Variants in SHISA9 observed in about 807,000 individuals in gnomAD.
SHISA9 encodes protein shisa-9.
Under a neutral mutation model 38.0 loss-of-function variants are expected in SHISA9, and 13 were observed. The observed-to-expected ratio is 0.34, with a 90% CI of 0.22 to 0.54. The LOEUF (loss-of-function observed/expected upper bound fraction) is 0.54, where lower values mean the gene tolerates loss of function less well. SHISA9 is among the 20% of genes least tolerant of loss of function. SHISA9 has a pLI of 0.91. For missense variants in SHISA9, 538 were observed against 575.8 expected, an observed-to-expected ratio of 0.93 and a Z score of 0.67; for synonymous variants, 275 against 242.0, an observed-to-expected ratio of 1.14 and a Z score of -1.27.
the SHISA9 span, among the ~76,000 whole-genome samples, chr16:13,397,269 G>C: frequency 6.6e-6 from 1 of 152,210 alleles, no homozygotes; most frequent in Non-Finnish European, 1.5e-5. Flanking sequence ...TGTAATGGGG[G>C]TGTGGCTCGC....
chr16:13,041,273 G>C (rs180971723), intron 2 of SHISA9, among the ~76,000 whole-genome samples: 1 of 152,308 alleles, frequency 6.6e-6, no homozygotes, highest in Admixed American at 6.5e-5. Context: ...CTGCTTACTT[G>C]AACAACCTGA....
chr16:13,367,146 C>T, the SHISA9 span, among the ~76,000 whole-genome samples: 1 of 151,654 alleles, frequency 6.6e-6, no homozygotes, highest in African/African-American at 2.4e-5. Flanking sequence ...AGTAATTAAA[C>T]CAACTACAGT....
intron 2 of SHISA9, chr16:13,082,471 A>T (rs544752298): frequency 1.5e-4 from 23 of 151,354 alleles, no homozygotes; most frequent in Non-Finnish European, 2.5e-4. Flanking sequence ...CACAATTTCC[A>T]CCTTCAGCAC....
At chr16:13,301,878 ATGT>A in the SHISA9 span, among the ~76,000 whole-genome samples, 1 of 152,180 alleles carries the variant, frequency 6.6e-6, no homozygotes, top group East Asian at 1.9e-4. Context: ...AACGAGGCTA[ATGT>A]TGTCTACCTC....
At chr16:13,138,163 C>T (rs1265754421) in intron 2 of SHISA9, among the ~76,000 whole-genome samples, 1 of 152,132 alleles carries the variant, frequency 6.6e-6, no homozygotes, top group Non-Finnish European at 1.5e-5. Context: ...TGCTTCTCTA[C>T]CTGTGTTCTG....
rs528851044 is a variant in SHISA9, at chr16:13,036,292, C to T, written c.691+119477C>T. Among the ~76,000 whole-genome samples the T allele has an allele frequency of 1.9e-4, 29 of 152,224 alleles. No homozygotes were observed. In the South Asian group the frequency reaches 2.9e-3, roughly 15 times the overall value. On this transcript the variant is annotated intron_variant, in intron 2 of 4. Coordinates refer to ENST00000558583, the MANE Select transcript of SHISA9 (RefSeq NM_001145204.3). Reference sequence around the variant, plus strand: ...CTACTTGTGTGATATATTTTAACAACAATAGTAAATAAGTTATTGATACAT... The same window carrying T: ...CTACTTGTGTGATATATTTTAACAATAATAGTAAATAAGTTATTGATACAT...
At chr16:12,960,310 C>T (rs2071892238) in intron 2 of SHISA9, among the ~76,000 whole-genome samples, 1 of 151,932 alleles carries the variant, frequency 6.6e-6, no homozygotes, top group South Asian at 2.1e-4. Context: ...TTTTAAGTTC[C>T]AGGGTACATG....
the SHISA9 span, among the ~76,000 whole-genome samples, chr16:13,526,704 T>TA: frequency 6.6e-6 from 1 of 152,118 alleles, no homozygotes; most frequent in South Asian, 2.1e-4. Context: ...ATTTTAAATC[T>TA]ATGGTTCTCC....
At chr16:13,309,448 C>T in the SHISA9 span, among the ~76,000 whole-genome samples, 1 of 151,702 alleles carries the variant, frequency 6.6e-6, no homozygotes, top group Non-Finnish European at 1.5e-5. Context: ...TTTGAGACCA[C>T]CCTGGCCAAT....
the SHISA9 span, among the ~76,000 whole-genome samples, chr16:13,369,367 G>A: frequency 6.6e-6 from 1 of 151,946 alleles, no homozygotes; most frequent in African/African-American, 2.4e-5. Flanking sequence ...TAGGAGTGTG[G>A]TTGCTTGCTG....
chr16:13,559,381 C>CT, the SHISA9 span, among the ~76,000 whole-genome samples: 5 of 144,922 alleles, frequency 3.5e-5, 1 homozygote, highest in African/African-American at 1.1e-4. Context: ...TCTGCATTTT[C>CT]TATTTTTTTT....
chr16:12,929,333 T>C (rs1445858546), intron 2 of SHISA9, among the ~76,000 whole-genome samples: 2 of 152,098 alleles, frequency 1.3e-5, no homozygotes, highest in African/African-American at 4.8e-5. Context: ...TAAAGATACA[T>C]GCACCTGTAT....
intron 2 of SHISA9, among the ~76,000 whole-genome samples, chr16:12,948,419 G>A (rs2071713866): frequency 6.6e-6 from 1 of 152,184 alleles, no homozygotes; most frequent in Non-Finnish European, 1.5e-5. Context: ...AATTCTAATT[G>A]CCCCAAGTAA....
Position 13,225,519 on chromosome 16 carries a change from C to A in SHISA9, c.896-9511C>A, listed in dbSNP as rs1481081763. Among the ~76,000 whole-genome samples the A allele has an allele frequency of 2.0e-5, 3 of 152,124 alleles. No homozygotes were observed. In the East Asian group the frequency reaches 5.8e-4, roughly 29 times the overall value. On this transcript the variant is annotated intron_variant, in intron 4 of 4. Coordinates refer to ENST00000558583, the MANE Select transcript of SHISA9 (RefSeq NM_001145204.3). ...GATTAATTGCTGTCTTTTATCATAC[C>A]CTTGAGCGAAAGGCAGAAACCGATG...
At chr16:13,367,403 G>C in the SHISA9 span, among the ~76,000 whole-genome samples, 69 of 150,560 alleles carry the variant, frequency 4.6e-4, no homozygotes, top group Admixed American at 1.0e-3. Context: ...TCACGTTATA[G>C]ACATGATCCC....
At chr16:13,366,542 A>G in the SHISA9 span, among the ~76,000 whole-genome samples, 1 of 152,176 alleles carries the variant, frequency 6.6e-6, no homozygotes, top group African/African-American at 2.4e-5. Context: ...CACTGTGAGT[A>G]GCAAGAATCC....
chr16:13,469,513 C>T, the SHISA9 span, among the ~76,000 whole-genome samples: 45,341 of 151,986 alleles, frequency 0.3, 7,436 homozygotes, highest in East Asian at 0.41. Flanking sequence ...CTTTGAGCCT[C>T]GACCTGTGCA....
intron 4 of SHISA9, among the ~76,000 whole-genome samples, chr16:13,221,869 CCT>C (rs1239831378): frequency 1.3e-5 from 2 of 152,132 alleles, no homozygotes; most frequent in Non-Finnish European, 2.9e-5. Context: ...TATATATTTG[CCT>C]GTTTTGGATA....
intron 2 of SHISA9, among the ~76,000 whole-genome samples, chr16:12,940,714 A>G (rs891051925): frequency 2.0e-5 from 3 of 152,190 alleles, no homozygotes; most frequent in Non-Finnish European, 4.4e-5. Flanking sequence ...TCTTTGCGGC[A>G]CTGAGCATTT....
Sources: gnomAD v4.1 joint callset for allele counts (sites outside exome capture counted in the v4.1 genomes callset) on GRCh38, gnomAD v4.1.1 for gene constraint, MANE v1.5 for transcripts, NCBI Gene and HGNC (gene_info 2026-07-23, HGNC 2026-07-21) for gene names.